PDE5A: variants seen among roughly 807,000 people sequenced by gnomAD.
The protein encoded by PDE5A is phosphodiesterase 5A, also known as cGMP-specific 3',5'-cyclic phosphodiesterase.
In PDE5A, 67 loss-of-function variants were observed where a neutral mutation model predicts 110.2. The observed-to-expected ratio is 0.61, with a 90% CI of 0.50 to 0.75. The LOEUF (loss-of-function observed/expected upper bound fraction) is 0.75. Ranked by LOEUF, PDE5A falls within the 30% of genes least tolerant of loss-of-function variation. The probability of loss-of-function intolerance (pLI) is 0.00; values close to 1 mark genes in which losing one functional copy is unlikely to be tolerated. For synonymous variants in PDE5A, 328 were observed against 351.2 expected, an observed-to-expected ratio of 0.93 and a Z score of 0.74; for missense variants, 862 against 1,045.1, an observed-to-expected ratio of 0.82 and a Z score of 2.42.
At chr4:119,580,017 G>A (rs1374951064) in intron 3 of PDE5A, among the ~76,000 whole-genome samples, 2 of 152,132 alleles carry the variant, frequency 1.3e-5, no homozygotes, top group Non-Finnish European at 1.5e-5. Flanking sequence ...TGCTATTAGG[G>A]AGGACGTCGC....
chr4:119,588,655 T>TA lies in PDE5A; in HGVS notation c.831+7867dup, dbSNP rs530086482. Among the ~76,000 whole-genome samples, 636 of 152,256 alleles carry TA rather than the reference T, an allele frequency of 4.2e-3. 5 individuals are homozygous for TA. Among genetic ancestry groups the TA allele is most frequent in the Non-Finnish European group, 5.4e-3 (364 of 68,010 alleles). On this transcript the variant is annotated intron_variant, in intron 3 of 20. Coordinates refer to ENST00000354960, the MANE Select transcript of PDE5A (RefSeq NM_001083.4). ...AGACACAATCATAAAACTTAAATTC[T>TA]AAAAAACATTTATTTTTGTATTTTG...
intron 3 of PDE5A, among the ~76,000 whole-genome samples, chr4:119,593,993 C>T (rs372891936): frequency 2.6e-5 from 4 of 152,086 alleles, no homozygotes; most frequent in African/African-American, 9.7e-5. Flanking sequence ...TGGGGGAAAA[C>T]GCCCACATGA....
At chr4:119,509,053 AAC>A (rs1392600288) in intron 15 of PDE5A, among the ~76,000 whole-genome samples, 1 of 152,004 alleles carries the variant, frequency 6.6e-6, no homozygotes, top group Non-Finnish European at 1.5e-5. Flanking sequence ...TTTTAGTGGA[AAC>A]ACACAGATAG....
At chr4:119,625,864 T>C (rs986157165) in intron 1 of PDE5A, among the ~76,000 whole-genome samples, 1 of 152,176 alleles carries the variant, frequency 6.6e-6, no homozygotes, top group African/African-American at 2.4e-5. Flanking sequence ...ACATTTTAAG[T>C]CTCCTGTTAA....
At chr4:119,571,544 T>C (rs780678981) in intron 3 of PDE5A, among the ~76,000 whole-genome samples, 1 of 152,112 alleles carries the variant, frequency 6.6e-6, no homozygotes, top group Admixed American at 6.5e-5. Context: ...ACAGGTCTGT[T>C]TCTAGAGACT....
At chr4:119,514,160 C>T (rs1352076733) in intron 14 of PDE5A, among the ~76,000 whole-genome samples, 1 of 152,168 alleles carries the variant, frequency 6.6e-6, no homozygotes, top group African/African-American at 2.4e-5. Flanking sequence ...TTGCATTTTC[C>T]TCTGTTCTGC....
chr4:119,608,936 C>G (rs554861295), intron 1 of PDE5A, among the ~76,000 whole-genome samples: 1 of 151,858 alleles, frequency 6.6e-6, no homozygotes, highest in Non-Finnish European at 1.5e-5. Flanking sequence ...CCGAGGCGGG[C>G]GGATCATGAG....
chr4:119,609,524 A>C (rs753170292), intron 1 of PDE5A, among the ~76,000 whole-genome samples: 7 of 152,184 alleles, frequency 4.6e-5, no homozygotes, highest in Non-Finnish European at 8.8e-5. Flanking sequence ...TCCCCTAATT[A>C]TTTCATTTTG....
At chr4:119,542,430 A>G (rs1726962483) in intron 10 of PDE5A, 29 bp downstream of exon 10, 3 of 1,604,088 alleles carry the variant, frequency 1.9e-6, no homozygotes, top group Non-Finnish European at 2.6e-6. Flanking sequence ...TTGGCTGTAC[A>G]GTGTGAGAGG....
At chr4:119,623,194 C>A (rs7672961) in intron 1 of PDE5A, among the ~76,000 whole-genome samples, 120,421 of 152,152 alleles carry the variant, frequency 0.79, 48,007 homozygotes, top group East Asian at 0.9. Context: ...CCTGGTATAA[C>A]AGATATTTCC....
intron 11 of PDE5A, among the ~76,000 whole-genome samples, chr4:119,531,168 T>TA (rs1726522323): frequency 1.3e-5 from 2 of 152,190 alleles, no homozygotes; most frequent in South Asian, 2.1e-4. Context: ...ACATTATGAA[T>TA]AAAAAGTTTA....
At chr4:119,542,774 A>T in intron 9 of PDE5A, 140 bp from the exon 10 acceptor site, 1 of 689,648 alleles carries the variant, frequency 1.5e-6, no homozygotes. Flanking sequence ...ATTAACCCCC[A>T]CAAATATAAG....
intron 5 of PDE5A, among the ~76,000 whole-genome samples, chr4:119,563,402 T>G (rs113214375): frequency 1.3e-5 from 2 of 152,302 alleles, no homozygotes; most frequent in African/African-American, 4.8e-5. Context: ...ATCAATATTT[T>G]TACAGAGCAC....
At chr4:119,593,988 G>A (rs1489479799) in intron 3 of PDE5A, among the ~76,000 whole-genome samples, 1 of 152,068 alleles carries the variant, frequency 6.6e-6, no homozygotes, top group Non-Finnish European at 1.5e-5. Flanking sequence ...CAGCATGGGG[G>A]AAAACGCCCA....
intron 1 of PDE5A, among the ~76,000 whole-genome samples, chr4:119,615,622 A>G (rs1729911682): frequency 6.6e-6 from 1 of 152,030 alleles, no homozygotes; most frequent in African/African-American, 2.4e-5. Flanking sequence ...GTTCAAAAAA[A>G]AAAAAAGAAA....
chr4:119,498,808 A>G (rs1225394080), intron 20 of PDE5A, 70 bp from the exon 21 acceptor site: 2 of 1,507,840 alleles, frequency 1.3e-6, no homozygotes, highest in Non-Finnish European at 1.8e-6. Flanking sequence ...CAGGCCTGTT[A>G]CAAAGGGCCA....
At chr4:119,550,716 A>G (rs1433396605) in intron 9 of PDE5A, among the ~76,000 whole-genome samples, 2 of 152,230 alleles carry the variant, frequency 1.3e-5, no homozygotes, top group African/African-American at 4.8e-5. Context: ...TTACTAGTAA[A>G]TAATGCATTC....
chr4:119,511,138 A>G lies in PDE5A; in HGVS notation c.2001-4T>C. 6.3e-7 allele frequency: 1 copy of G among 1,596,142 alleles called. No individual in the cohort carries two copies. Among genetic ancestry groups the G allele is most frequent in the Non-Finnish European group, 8.6e-7 (1 of 1,164,968 alleles). Reference sequence around the variant, plus strand: ...CTGGGCAAGTGGATGTTCACTTCTGAAAGTATTTTGTTGAAGAAAGGAAAA... The same window carrying G: ...CTGGGCAAGTGGATGTTCACTTCTGGAAGTATTTTGTTGAAGAAAGGAAAA... On this transcript the variant is annotated splice_region_variant and splice_polypyrimidine_tract_variant and intron_variant, in intron 14 of 20. Coordinates refer to ENST00000354960, the MANE Select transcript of PDE5A (RefSeq NM_001083.4).
chr4:119,582,502 T>A (rs1230457666), intron 3 of PDE5A, among the ~76,000 whole-genome samples: 1 of 152,226 alleles, frequency 6.6e-6, no homozygotes. Flanking sequence ...ATGTTGATAA[T>A]TTGACCTCCT....
Sources: allele counts gnomAD v4.1 joint callset (sites outside exome capture counted in the v4.1 genomes callset), GRCh38; gene constraint gnomAD v4.1.1; transcripts MANE v1.5; gene names NCBI Gene and HGNC (gene_info 2026-07-23, HGNC 2026-07-21).